ACTA1: variants seen among roughly 807,000 people sequenced by gnomAD.
The protein encoded by ACTA1 is actin, alpha skeletal muscle.
ACTA1 carries 25 observed loss-of-function variants against 35.8 expected under a neutral mutation model. The ratio of observed to expected loss-of-function variants is 0.70; its 90% CI spans 0.51 to 0.97. The LOEUF is 0.97. ACTA1 is among the 50% of genes least tolerant of loss of function. The pLI is 0.00. For synonymous variants in ACTA1, 219 were observed against 217.1 expected (o/e 1.01, Z -0.08); for missense variants, 174 against 533.0 (o/e 0.33, Z 6.63).
chr1:229,433,192 G>T (rs553810590), intron 1 of ACTA1, 65 bp from the exon 2 acceptor site: 110 of 1,608,508 alleles, frequency 6.8e-5, no homozygotes, highest in African/African-American at 3.7e-4. Flanking sequence ...GCGGCAGGGG[G>T]GGGTAAGCCT....
Position 229,432,190 on chromosome 1 carries a change from G to A in ACTA1, c.617-5C>T, listed in dbSNP as rs199804338. On this transcript the variant is annotated splice_polypyrimidine_tract_variant and splice_region_variant and intron_variant, in intron 4 of 6. Coordinates refer to ENST00000366684, the MANE Select transcript of ACTA1 (RefSeq NM_001100.4). The stretch of plus-strand genomic sequence containing the variant: ...CGCGCACGATCTCGCGCTCAGCTGC[G>A]GAGGGCAGAAGCAGGAGAGGAGCCC... 1,168 of 1,613,432 alleles carry A rather than the reference G, an allele frequency of 7.2e-4. 8 individuals carry two copies. In the African/African-American group the frequency reaches 0.014, roughly 19 times the overall value.
At chr1:229,432,926 G>A (rs1659981902) in intron 2 of ACTA1, 46 bp from the exon 3 acceptor site, 1 of 1,613,978 alleles carries the variant, frequency 6.2e-7, no homozygotes, top group Non-Finnish European at 8.5e-7. Flanking sequence ...GCTCCGGGTG[G>A]CACCAGGCTG....
At chr1:229,433,311 C>T (rs565478118) in intron 1 of ACTA1, among the ~76,000 whole-genome samples, 184 bp from the exon 2 acceptor site, 1 of 152,316 alleles carries the variant, frequency 6.6e-6, no homozygotes, top group Non-Finnish European at 1.5e-5. Flanking sequence ...ACCTTTGCCC[C>T]GGCTAAGGGC....
In ACTA1 at chr1:229,432,718, C is replaced by A. The variant is rs1319925897; in HGVS notation, c.292G>T (p.Val98Leu). 1 of 1,614,146 alleles carries A rather than the reference C, an allele frequency of 6.2e-7. No individual in the cohort carries two copies. Among genetic ancestry groups the A allele is most frequent in the Non-Finnish European group, 8.5e-7 (1 of 1,180,028 alleles). ...WHHTFYNELR[V>L]APEEHPTLLT... Reference sequence around the variant, plus strand: ...AGGGTGGGGTGCTCCTCGGGAGCCACGCGAAGCTCGTTGTAGAAGGTGTGG... The same window carrying A: ...AGGGTGGGGTGCTCCTCGGGAGCCAAGCGAAGCTCGTTGTAGAAGGTGTGG... Residue 98 changes from valine (V) to leucine (L), a missense_variant, in exon 3 of 7, where the codon GTG becomes TTG. Transcript: ENST00000366684.
At position 229,431,874 on chromosome 1, in the gene ACTA1, G is replaced by A. The variant is rs951259177; in HGVS notation, c.837C>T (p.Thr279=). ...IGMESAGIHE[T]TYNSIMKCDI... is the part of the protein sequence containing the mutation. ...CACACTTCATGATGCTGTTGTAGGTGGTCTCGTGAATGCCCGCCGACTCCA... is the reference window on the plus strand; with the variant it reads ...CACACTTCATGATGCTGTTGTAGGTAGTCTCGTGAATGCCCGCCGACTCCA... The change falls in exon 6 of 7, where the codon ACC becomes ACT. Residue 279 remains threonine, a synonymous_variant. Transcript: ENST00000366684. The surrounding 1 kb of genome is among the most constrained non-coding windows in gnomAD (Gnocchi z 7.1). The A allele has an allele frequency of 6.2e-7, 1 of 1,614,050 alleles. No individual in the cohort carries two copies. The highest frequency in any genetic ancestry group is 1.3e-5 in the African/African-American group (1 of 75,028).
chr1:229,432,483 C>A (rs1659968042), intron 3 of ACTA1, 52 bp from the exon 4 acceptor site: 1 of 1,525,556 alleles, frequency 6.6e-7, no homozygotes, highest in African/African-American at 1.5e-5. Flanking sequence ...CGAGGCTAGG[C>A]TCTCAGCGCT....
chr1:229,432,263 C>G lies in ACTA1; in HGVS notation c.616+7G>C, dbSNP rs769533594. 6.2e-7 allele frequency: 1 copy of G among 1,613,598 alleles called. No individual in the cohort carries two copies. Among genetic ancestry groups the G allele is most frequent in the Non-Finnish European group, 8.5e-7 (1 of 1,179,748 alleles). The stretch of plus-strand genomic sequence containing the variant: ...CCTCCCGCCCGGGGTGCAGGGGCGC[C>G]GCGCACCTGTGGTCACGAAGGAGTA... On this transcript the variant is annotated splice_region_variant and intron_variant, in intron 4 of 6. Transcript: ENST00000366684.
intron 3 of ACTA1, 24 bp downstream of exon 3, chr1:229,432,532 G>A (rs1659970896): frequency 1.3e-6 from 2 of 1,588,544 alleles, no homozygotes; most frequent in Admixed American, 1.7e-5. Flanking sequence ...GCGGGAGAGG[G>A]GACTGGGGGC....
rs937227519 is a variant in ACTA1 at position 229,431,446 on chromosome 1, C to G, written c.*53G>C. On this transcript the variant is annotated 3_prime_UTR_variant, in exon 7 of 7. Coordinates refer to ENST00000366684, the MANE Select transcript of ACTA1 (RefSeq NM_001100.4). The surrounding 1 kb of genome is among the most constrained non-coding windows in gnomAD (Gnocchi z 7.1). ...GGGTGGCTGGAGCTCAGCCGCCCCCCCATTGAGAAGATTCGTCGTCCTGAG... is the reference window on the plus strand; with the variant it reads ...GGGTGGCTGGAGCTCAGCCGCCCCCGCATTGAGAAGATTCGTCGTCCTGAG... 2.9e-5 allele frequency: 47 copies of G among 1,611,772 alleles called. No homozygotes were observed. The Admixed American group carries it at 6.7e-4, about 23-fold the overall frequency.
Position 229,431,656 on chromosome 1 carries a change from C to T in ACTA1, c.991-14G>A, listed in dbSNP as rs1396555605. The T allele has an allele frequency of 6.2e-7, 1 of 1,614,002 alleles. No homozygotes were observed. Among genetic ancestry groups the T allele is most frequent in the East Asian group, 2.2e-5 (1 of 44,850 alleles). Reference sequence around the variant, plus strand: ...CGGGGCGATGATCTGCAAGACAGCGCGTGAGGTGGGGAGACCTCACCCTGG... The same window carrying T: ...CGGGGCGATGATCTGCAAGACAGCGTGTGAGGTGGGGAGACCTCACCCTGG... On this transcript the variant is annotated splice_polypyrimidine_tract_variant and intron_variant, in intron 6 of 6. Transcript: ENST00000366684. The surrounding 1 kb of genome is among the most constrained non-coding windows in gnomAD (Gnocchi z 7.1).
chr1:229,431,677 C>A lies in ACTA1; in HGVS notation c.991-35G>T. On this transcript the variant is annotated intron_variant, in intron 6 of 6. Coordinates refer to ENST00000366684, the MANE Select transcript of ACTA1 (RefSeq NM_001100.4). This position sits in a 1 kb window ranked among gnomAD's most constrained non-coding sequence, Gnocchi z 7.1. ...AGCGCGTGAGGTGGGGAGACCTCAC[C>A]CTGGAGCCCACCCCGCCGACAGCCC... 1.2e-6 allele frequency: 2 copies of A among 1,613,936 alleles called. No homozygotes were observed. The highest frequency in any genetic ancestry group is 1.7e-6 in the Non-Finnish European group (2 of 1,179,954).
chr1:229,433,190 G>T lies in ACTA1; in HGVS notation c.-12-63C>A, dbSNP rs577738350. On this transcript the variant is annotated intron_variant, in intron 1 of 6. Transcript: ENST00000366684. ...TCAGCGCAGAAGTCTCAGCGGCAGG[G>T]GGGGGTAAGCCTGGCTGGCCCCGAC... 4.8e-4 allele frequency: 775 copies of T among 1,609,358 alleles called. No individual in the cohort carries two copies. The African/African-American group carries it at 8.2e-3, about 17-fold the overall frequency.
rs1659930202 is a variant in ACTA1 at position 229,431,427 on chromosome 1, C to T, written c.*72G>A. 1.9e-6 allele frequency: 3 copies of T among 1,604,418 alleles called. No homozygotes were observed. The Admixed American group carries it at 5.0e-5, about 27-fold the overall frequency. On this transcript the variant is annotated 3_prime_UTR_variant, in exon 7 of 7. Coordinates refer to ENST00000366684, the MANE Select transcript of ACTA1 (RefSeq NM_001100.4). This position sits in a 1 kb window ranked among gnomAD's most constrained non-coding sequence, Gnocchi z 7.1. ...TACAAAGAAAGTGACTGCGGGGTGGCTGGAGCTCAGCCGCCCCCCCATTGA... is the reference window on the plus strand; with the variant it reads ...TACAAAGAAAGTGACTGCGGGGTGGTTGGAGCTCAGCCGCCCCCCCATTGA...
At chr1:229,432,906 C>T in intron 2 of ACTA1, 26 bp from the exon 3 acceptor site, 1 of 1,614,088 alleles carries the variant, frequency 6.2e-7, no homozygotes, top group Non-Finnish European at 8.5e-7. Context: ...ACCACGCACC[C>T]GTTAACGCCG....
Position 229,432,112 on chromosome 1 carries a change from C to A in ACTA1, c.690G>T (p.Ala230=), listed in dbSNP as rs569500994. The change falls in exon 5 of 7, where the codon GCG becomes GCT. Residue 230 remains alanine (A), a synonymous_variant. Coordinates refer to ENST00000366684, the MANE Select transcript of ACTA1 (RefSeq NM_001100.4). ...CCAGGGAGGAGGAGGAGGCGGCCGT[C>A]GCCATCTCGTTCTCGAAGTCCAGGG... ...YVALDFENEM[A]TAASSSSLEK... The A allele has an allele frequency of 6.2e-7, 1 of 1,613,320 alleles. No homozygotes were observed. The highest frequency in any genetic ancestry group is 2.2e-5 in the East Asian group (1 of 44,852).
At chr1:229,432,249 G>C (rs544387567) in intron 4 of ACTA1, 21 bp downstream of exon 4, 1 of 1,613,278 alleles carries the variant, frequency 6.2e-7, no homozygotes, top group East Asian at 2.2e-5. Context: ...CTCCCGCCCG[G>C]GGTGCAGGGG....
rs1274966358 is a variant in ACTA1 at position 229,431,493 on chromosome 1, G to A, written c.*6C>T. ...TGAGAAGTCGCGTGCTGGAGGTGGA[G>A]TGTGTCTAGAAGCATTTGCGGTGGA... is the stretch of plus-strand genomic sequence containing the variant. On this transcript the variant is annotated 3_prime_UTR_variant, in exon 7 of 7. Coordinates refer to ENST00000366684, the MANE Select transcript of ACTA1 (RefSeq NM_001100.4). This position sits in a 1 kb window ranked among gnomAD's most constrained non-coding sequence, Gnocchi z 7.1. 1.2e-6 allele frequency: 2 copies of A among 1,612,928 alleles called. No homozygotes were observed. The highest frequency in any genetic ancestry group is 1.7e-6 in the Non-Finnish European group (2 of 1,180,032).
In ACTA1 at chr1:229,432,412, GC is replaced by G; in HGVS notation, c.473del (p.Gly158AlafsTer34). ...TGGGCACGTTGTGGGTGACGCCGTCGCCGGAGTCCAGCACGATGCCTGTGCG... is the reference window on the plus strand; with the variant it reads ...TGGGCACGTTGTGGGTGACGCCGTCGCGGAGTCCAGCACGATGCCTGTGCG... ...GRTTGIVLDS[G>X]DGVTHNVPIY... On this transcript the variant is annotated frameshift_variant, in exon 4 of 7. Coordinates refer to ENST00000366684, the MANE Select transcript of ACTA1 (RefSeq NM_001100.4). LOFTEE classifies it high-confidence loss of function. 3 of 1,612,016 alleles carry G rather than the reference GC, an allele frequency of 1.9e-6. No individual in the cohort carries two copies. The highest frequency in any genetic ancestry group is 2.5e-6 in the Non-Finnish European group (3 of 1,179,540).
At position 229,433,117 on chromosome 1, in the gene ACTA1, G is replaced by T; in HGVS notation, c.-2C>A. On this transcript the variant is annotated 5_prime_UTR_variant, in exon 2 of 7. Coordinates refer to ENST00000366684, the MANE Select transcript of ACTA1 (RefSeq NM_001100.4). ...GGTGGTCTCGTCTTCGTCGCACATT[G>T]TGTCTAGTTTCTGCAAGGACAGGGA... 1 of 1,614,140 alleles carries T rather than the reference G, an allele frequency of 6.2e-7. No homozygotes were observed.
Sources: gnomAD v4.1 joint callset for allele counts (sites outside exome capture counted in the v4.1 genomes callset) on GRCh38, gnomAD v4.1.1 for gene constraint, Gnocchi (gnomAD v3.1) non-coding constraint, MANE v1.5 for transcripts, NCBI Gene and HGNC (gene_info 2026-07-23, HGNC 2026-07-21) for gene names.